Variants in TRPM3 observed in about 807,000 individuals in gnomAD.
TRPM3 encodes the protein long transient receptor potential channel 3.
A neutral mutation model predicts 181.2 loss-of-function variants in TRPM3; 77 were observed. The observed-to-expected ratio is 0.42, with a 90% CI of 0.35 to 0.51. TRPM3 has a LOEUF of 0.51. Among genes scored for constraint, TRPM3 ranks in the 20% least tolerant of loss-of-function variants. The pLI, the probability that TRPM3 is intolerant of heterozygous loss-of-function variation, is 0.01. For synonymous variants in TRPM3, 745 were observed against 796.4 expected (o/e 0.94, Z 1.09); for missense variants, 1,759 against 2,196.7 (o/e 0.80, Z 3.98).
At chr9:70,687,252 T>A (rs998836416) in intron 8 of TRPM3, among the ~76,000 whole-genome samples, 1 of 152,160 alleles carries the variant, frequency 6.6e-6, no homozygotes, top group Non-Finnish European at 1.5e-5. Context: ...TTTTGTGTTA[T>A]TTGAGGATGA....
At chr9:71,428,106 T>C (rs971626674) in intron 1 of TRPM3, among the ~76,000 whole-genome samples, 2 of 152,078 alleles carry the variant, frequency 1.3e-5, no homozygotes, top group African/African-American at 4.8e-5. Flanking sequence ...TTTGGTTTTT[T>C]TTGAGACAGA....
intron 21 of TRPM3, among the ~76,000 whole-genome samples, chr9:70,593,961 A>G (rs1277862081): frequency 6.8e-6 from 1 of 147,514 alleles, no homozygotes; most frequent in Non-Finnish European, 1.5e-5. Flanking sequence ...TGTATATAAT[A>G]TATATTATAT....
intron 1 of TRPM3, 27 bp from the exon 2 acceptor site, chr9:70,864,538 A>AAAAAAAAAAAAG (rs375135324): frequency 2.8e-5 from 40 of 1,433,878 alleles, no homozygotes; most frequent in South Asian, 4.6e-5. Flanking sequence ...AAAAAAAAAA[A>AAAAAAAAAAAAG]AAAGAAAAAA....
intron 1 of TRPM3, among the ~76,000 whole-genome samples, chr9:71,338,693 A>G (rs919462200): frequency 9.2e-5 from 14 of 152,128 alleles, no homozygotes; most frequent in African/African-American, 3.4e-4. Context: ...AGCCTTTGAC[A>G]AGATTTAACA....
At chr9:71,229,575 A>G (rs1359113273) in intron 1 of TRPM3, among the ~76,000 whole-genome samples, 2 of 152,186 alleles carry the variant, frequency 1.3e-5, no homozygotes, top group African/African-American at 4.8e-5. Context: ...ACAAGAGATT[A>G]ATAACCAGAC....
Position 71,004,252 on chromosome 9 carries a change from C to T in TRPM3, c.177+116926G>A, listed in dbSNP as rs145618465. On this transcript the variant is annotated intron_variant, in intron 1 of 25. Transcript: ENST00000677713. The stretch of plus-strand genomic sequence containing the variant: ...CTCAAATCCCTGGCTGAATTTCCCA[C>T]AAAGCTCAGGTGCTCCTTTGGAGCC... Among the ~76,000 whole-genome samples, 610 of 152,354 alleles carry T rather than the reference C, an allele frequency of 4.0e-3. 3 individuals carry two copies. Among genetic ancestry groups the T allele is most frequent in the African/African-American group, 0.014 (589 of 41,590 alleles).
intron 25 of TRPM3, among the ~76,000 whole-genome samples, chr9:70,544,472 G>A (rs1238746631): frequency 6.6e-6 from 1 of 152,072 alleles, no homozygotes; most frequent in African/African-American, 2.4e-5. Context: ...GGGCCACCTG[G>A]AGAAATGTGA....
chr9:70,565,206 C>G (rs2050240222), intron 22 of TRPM3, among the ~76,000 whole-genome samples: 1 of 152,184 alleles, frequency 6.6e-6, no homozygotes, highest in Non-Finnish European at 1.5e-5. Flanking sequence ...AGTGGGCTAA[C>G]AACGTTATTC....
Position 70,640,651 on chromosome 9 carries a change from G to T in TRPM3, c.1355C>A (p.Ala452Asp). 6.2e-7 allele frequency: 1 copy of T among 1,613,294 alleles called. No individual in the cohort carries two copies. Among genetic ancestry groups the T allele is most frequent in the Non-Finnish European group, 8.5e-7 (1 of 1,179,574 alleles). The part of the protein sequence containing the change: ...ILTALLKGAN[A>D]SAPDQLSLAL... Reference sequence around the variant, plus strand: ...TAAGCTCAGTTGGTCTGGGGCCGAGGCATTGGCTCCTGTGTGAGGACAAGT... The same window carrying T: ...TAAGCTCAGTTGGTCTGGGGCCGAGTCATTGGCTCCTGTGTGAGGACAAGT... The change falls in exon 10 of 26, where the codon GCC becomes GAC. Residue 452 changes from alanine (A) to aspartate (D), a missense_variant. By Grantham distance (126) the Ala-to-Asp change is moderately radical (BLOSUM62 -2). Coordinates refer to ENST00000677713, the MANE Select transcript of TRPM3 (RefSeq NM_001366145.2).
intron 1 of TRPM3, among the ~76,000 whole-genome samples, chr9:71,411,269 A>G (rs2093543849): frequency 1.3e-5 from 2 of 152,258 alleles, no homozygotes; most frequent in African/African-American, 4.8e-5. Flanking sequence ...CAGACAGGAG[A>G]AAGAAATAAA....
rs147891852 is a variant in TRPM3 at position 71,090,112 on chromosome 9, C to T, written c.177+31066G>A. On this transcript the variant is annotated intron_variant, in intron 1 of 25. Coordinates refer to ENST00000677713, the MANE Select transcript of TRPM3 (RefSeq NM_001366145.2). ...AATACAGGACAGCATAGGGCAGGGG[C>T]GGTGTCTGTGGCACAGTAGAGTCTT... 2.7e-3 allele frequency among the ~76,000 whole-genome samples: 405 copies of T among 152,200 alleles called. 4 individuals carry two copies. The highest frequency in any genetic ancestry group is 8.2e-3 in the African/African-American group (341 of 41,548).
intron 3 of TRPM3, among the ~76,000 whole-genome samples, chr9:70,854,755 A>G (rs2095341562): frequency 6.6e-6 from 1 of 152,146 alleles, no homozygotes; most frequent in Non-Finnish European, 1.5e-5. Context: ...CATTAGCGTC[A>G]CTGCCTGGCA....
chr9:70,699,035 A>C (rs1022150214), intron 8 of TRPM3, among the ~76,000 whole-genome samples: 10 of 152,218 alleles, frequency 6.6e-5, no homozygotes, highest in African/African-American at 2.2e-4. Flanking sequence ...ACACATCCTC[A>C]GCAAAATGAT....
chr9:71,300,459 C>A (rs1337575045), intron 1 of TRPM3, among the ~76,000 whole-genome samples: 2 of 151,982 alleles, frequency 1.3e-5, no homozygotes, highest in African/African-American at 4.8e-5. Context: ...AAAATGTAGA[C>A]TGAAGAAGTA....
rs142266284 is a variant in TRPM3, at chr9:70,841,369, A to T, written c.801+1634T>A. On this transcript the variant is annotated intron_variant, in intron 5 of 25. Coordinates refer to ENST00000677713, the MANE Select transcript of TRPM3 (RefSeq NM_001366145.2). ...TTAACAGTAACAAAACTGACATCTC[A>T]TTCCTTATCCTATGTATCCTGGATA... 6.4e-3 allele frequency among the ~76,000 whole-genome samples: 967 copies of T among 152,008 alleles called. 8 individuals carry two copies. The highest frequency in any genetic ancestry group is 9.1e-3 in the South Asian group (44 of 4,820).
At position 71,210,625 on chromosome 9, in the gene TRPM3, A is replaced by G. The variant is rs903307587; in HGVS notation, c.183+236028T>C. Among the ~76,000 whole-genome samples the G allele has an allele frequency of 3.3e-4, 50 of 152,146 alleles. 1 individual carries two copies. The highest frequency in any genetic ancestry group is 6.5e-5 in the Admixed American group (1 of 15,282). ...TTGTAAGAAGTTCTCTTTCCTATCA[A>G]ACAACCTCAAGAGTAGGATACAGTT... On this transcript the variant is annotated intron_variant, in intron 1 of 24. Transcript: ENST00000357533.
intron 1 of TRPM3, among the ~76,000 whole-genome samples, chr9:71,014,816 T>C (rs965722696): frequency 3.9e-5 from 6 of 152,136 alleles, no homozygotes; most frequent in Non-Finnish European, 7.4e-5. Context: ...AATTTGTGAG[T>C]TTAATTCATT....
chr9:71,137,122 T>C (rs148043576), intron 1 of TRPM3, among the ~76,000 whole-genome samples: 377 of 152,344 alleles, frequency 2.5e-3, no homozygotes, highest in Non-Finnish European at 4.6e-3. Context: ...CCTCAACCTC[T>C]AGACACTCCA....
intron 8 of TRPM3, among the ~76,000 whole-genome samples, chr9:70,688,258 G>A (rs534518532): frequency 4.0e-5 from 6 of 151,620 alleles, no homozygotes; most frequent in Non-Finnish European, 7.4e-5. Context: ...TCTTAGCAGG[G>A]CATTCAAAGA....
Sources: allele counts gnomAD v4.1 joint callset (sites outside exome capture counted in the v4.1 genomes callset), GRCh38; gene constraint gnomAD v4.1.1; transcripts MANE v1.5; gene names NCBI Gene and HGNC (gene_info 2026-07-23, HGNC 2026-07-21).